MAP2: variants seen among roughly 807,000 people sequenced by gnomAD.
MAP2 encodes the protein microtubule-associated protein 2.
In MAP2, 14 loss-of-function variants were observed where a neutral mutation model predicts 137.6. That is an observed-to-expected ratio of 0.10 (90% CI 0.07 to 0.16). The LOEUF (loss-of-function observed/expected upper bound fraction) is 0.16. MAP2 is among the 10% of genes least tolerant of loss of function. The pLI is 1.00. For missense variants in MAP2, 2,088 were observed against 2,191.5 expected (o/e 0.95, Z 0.94); for synonymous variants, 786 against 782.3 (o/e 1.00, Z -0.08).
intron 1 of MAP2, among the ~76,000 whole-genome samples, chr2:209,444,986 G>C (rs746921525): frequency 6.6e-6 from 1 of 151,004 alleles, no homozygotes; most frequent in Non-Finnish European, 1.5e-5. Context: ...TTTTTTGTTT[G>C]TTTGAATGCT....
intron 1 of MAP2, among the ~76,000 whole-genome samples, chr2:209,460,161 G>T (rs1205133091): frequency 6.6e-6 from 1 of 152,194 alleles, no homozygotes; most frequent in African/African-American, 2.4e-5. Context: ...ATTTCACTGT[G>T]TGTGTGCATG....
At chr2:209,600,882 C>T (rs1341103112) in intron 3 of MAP2, among the ~76,000 whole-genome samples, 1 of 152,130 alleles carries the variant, frequency 6.6e-6, no homozygotes, top group Non-Finnish European at 1.5e-5. Context: ...ACTATGTAGC[C>T]TTTCCTGTAG....
Position 209,694,333 on chromosome 2 carries a change from A to G in MAP2, c.2163A>G (p.Gly721=). ...CCCTTGGATTTAACTTTGGTCGGGG[A>G]CATGATCTTTCTCCTCTGGCTTCCG... ...SIALGFNFGR[G]HDLSPLASDI... Residue 721 remains glycine (G), a synonymous_variant, in exon 8 of 16, where the codon GGA becomes GGG. Transcript: ENST00000682079. 6.2e-7 allele frequency: 1 copy of G among 1,614,056 alleles called. No individual in the cohort carries two copies.
chr2:209,618,701 G>A (rs1464316191), intron 3 of MAP2, among the ~76,000 whole-genome samples: 3 of 152,252 alleles, frequency 2.0e-5, no homozygotes, highest in Non-Finnish European at 4.4e-5. Flanking sequence ...AATTAGTACA[G>A]CCATTATGGA....
intron 2 of MAP2, among the ~76,000 whole-genome samples, chr2:209,526,217 A>G (rs576813302): frequency 6.6e-6 from 1 of 152,150 alleles, no homozygotes; most frequent in Non-Finnish European, 1.5e-5. Context: ...TCTTTTGAGC[A>G]TAGTCAGCTT....
intron 3 of MAP2, among the ~76,000 whole-genome samples, chr2:209,603,188 C>T (rs541119095): frequency 1.3e-5 from 2 of 152,118 alleles, no homozygotes; most frequent in African/African-American, 4.8e-5. Flanking sequence ...TGACCTGACG[C>T]CCACAAATTT....
chr2:209,436,178 G>A (rs1304151544), intron 1 of MAP2, among the ~76,000 whole-genome samples: 1 of 150,786 alleles, frequency 6.6e-6, no homozygotes. Context: ...AGTTATATGT[G>A]TGTATATGTA....
chr2:209,640,462 T>C (rs559269515), intron 4 of MAP2, among the ~76,000 whole-genome samples: 2 of 152,186 alleles, frequency 1.3e-5, no homozygotes, highest in South Asian at 4.1e-4. Flanking sequence ...CCAGAATTGA[T>C]TCTATAATGT....
intron 1 of MAP2, among the ~76,000 whole-genome samples, chr2:209,451,958 G>C (rs1295404163): frequency 1.3e-5 from 2 of 152,140 alleles, no homozygotes; most frequent in South Asian, 4.1e-4. Context: ...GAATTTTAGA[G>C]AGGCATACCT....
rs755222924 is a variant in MAP2, at chr2:209,695,259, C to A, written c.3089C>A (p.Pro1030Gln). 5.0e-6 allele frequency: 8 copies of A among 1,613,676 alleles called. 1 individual carries two copies. In the South Asian group the frequency reaches 8.8e-5, roughly 18 times the overall value. The change falls in exon 8 of 16, where the codon CCA becomes CAA. Residue 1030 changes from proline to glutamine, a missense_variant. By Grantham distance (76) the Pro-to-Gln change is moderately conservative. Coordinates refer to ENST00000682079, the MANE Select transcript of MAP2 (RefSeq NM_001375505.1). ...SSVPEIAEVE[P>Q]SKKVEQGLDF... Reference sequence around the variant, plus strand: ...GTGCCAGAGATAGCTGAGGTAGAACCATCCAAAAAGGTGGAACAAGGTCTG... The same window carrying A: ...GTGCCAGAGATAGCTGAGGTAGAACAATCCAAAAAGGTGGAACAAGGTCTG...
chr2:209,653,559 A>G (rs981620857), intron 5 of MAP2, 127 bp downstream of exon 5: 15 of 957,434 alleles, frequency 1.6e-5, no homozygotes, highest in Admixed American at 3.1e-5. Context: ...CCAGTCAGTC[A>G]GAGGAAATAA....
chr2:209,565,353 G>C (rs2073152157), intron 2 of MAP2, among the ~76,000 whole-genome samples: 1 of 151,936 alleles, frequency 6.6e-6, no homozygotes, highest in South Asian at 2.1e-4. Flanking sequence ...TAGTAGCTGG[G>C]ACTACAGGTA....
At chr2:209,550,361 A>G (rs1438544159) in intron 2 of MAP2, among the ~76,000 whole-genome samples, 1 of 152,124 alleles carries the variant, frequency 6.6e-6, no homozygotes, top group Non-Finnish European at 1.5e-5. Flanking sequence ...AAGTAGTATA[A>G]TGTTTACTCT....
In MAP2 at chr2:209,457,337, G is replaced by C. The variant is rs77022033; in HGVS notation, c.-222+33061G>C. 1.2e-3 allele frequency among the ~76,000 whole-genome samples: 176 copies of C among 152,258 alleles called. 2 individuals are homozygous for C. The East Asian group carries it at 0.033, about 29-fold the overall frequency. ...CACCACCTAGTCTGGAGAGGTACTTGTTGACCTATGTATCTTATCTGGGGA... is the reference window on the plus strand; with the variant it reads ...CACCACCTAGTCTGGAGAGGTACTTCTTGACCTATGTATCTTATCTGGGGA... On this transcript the variant is annotated intron_variant, in intron 1 of 15. Transcript: ENST00000682079.
At chr2:209,592,569 GT>G (rs1315479757) in intron 3 of MAP2, among the ~76,000 whole-genome samples, 1 of 152,256 alleles carries the variant, frequency 6.6e-6, no homozygotes, top group South Asian at 2.1e-4. Context: ...CAGGTGTGCA[GT>G]TTTGCTCCAT....
intron 2 of MAP2, among the ~76,000 whole-genome samples, chr2:209,575,039 T>C (rs1275114435): frequency 5.3e-5 from 8 of 152,164 alleles, no homozygotes; most frequent in Non-Finnish European, 1.2e-4. Flanking sequence ...AATCTAAAAA[T>C]TATAATTTAG....
intron 3 of MAP2, among the ~76,000 whole-genome samples, chr2:209,615,656 T>TG (rs1381548963): frequency 6.6e-6 from 1 of 152,144 alleles, no homozygotes. Flanking sequence ...GGCAGCCAAA[T>TG]GCCTAGGCAG....
At chr2:209,480,365 G>A (rs1708422272) in intron 1 of MAP2, among the ~76,000 whole-genome samples, 1 of 152,118 alleles carries the variant, frequency 6.6e-6, no homozygotes, top group African/African-American at 2.4e-5. Flanking sequence ...GAACAATAAG[G>A]CCATTGTACA....
chr2:209,526,622 T>G (rs1452663678), intron 2 of MAP2, among the ~76,000 whole-genome samples: 1 of 149,576 alleles, frequency 6.7e-6, no homozygotes, highest in East Asian at 2.0e-4. Context: ...GGCAAATCTT[T>G]CCTTGGATCA....
Sources: gnomAD v4.1 joint callset for allele counts (sites outside exome capture counted in the v4.1 genomes callset) on GRCh38, gnomAD v4.1.1 for gene constraint, MANE v1.5 for transcripts, NCBI Gene and HGNC (gene_info 2026-07-23, HGNC 2026-07-21) for gene names.